FHAD1: variants seen among roughly 807,000 people sequenced by gnomAD.
The protein encoded by FHAD1 is forkhead associated phosphopeptide binding domain 1.
FHAD1 carries 146 observed loss-of-function variants against 191.3 expected under a neutral mutation model. That is an observed-to-expected ratio of 0.76 (90% CI 0.67 to 0.88). FHAD1 has a LOEUF of 0.88. Ranked by LOEUF, FHAD1 falls within the 40% of genes least tolerant of loss-of-function variation. FHAD1 has a pLI of 0.00. For missense variants in FHAD1, 1,635 were observed against 1,785.8 expected (o/e 0.92, Z 1.52); for synonymous variants, 616 against 672.3 (o/e 0.92, Z 1.29).
chr1:15,334,450 C>G (rs1256966170), intron 14 of FHAD1: 2 of 152,230 alleles, frequency 1.3e-5, no homozygotes, highest in African/African-American at 4.8e-5. Flanking sequence ...CAGAAAGCCC[C>G]ATTTGTATCA....
At chr1:15,397,234 G>C in intron 33 of FHAD1, 63 bp from the exon 34 acceptor site, 1 of 720,994 alleles carries the variant, frequency 1.4e-6, no homozygotes. Flanking sequence ...AAAACCACTT[G>C]AGTGGAACAA....
At chr1:15,265,058 G>A (rs901240705) in intron 2 of FHAD1, among the ~76,000 whole-genome samples, 2 of 152,140 alleles carry the variant, frequency 1.3e-5, no homozygotes, top group African/African-American at 4.8e-5. Context: ...TTAATAAGCT[G>A]TTGAATTACG....
chr1:15,377,089 C>T (rs1699842741), intron 28 of FHAD1, among the ~76,000 whole-genome samples: 1 of 152,166 alleles, frequency 6.6e-6, no homozygotes, highest in Non-Finnish European at 1.5e-5. Flanking sequence ...GATGTTTGGG[C>T]ATTTGATGGA....
At chr1:15,238,425 T>C (rs1441545593) in intron 1 of FHAD1, among the ~76,000 whole-genome samples, 1 of 152,044 alleles carries the variant, frequency 6.6e-6, no homozygotes, top group Non-Finnish European at 1.5e-5. Context: ...AAGGTAGGAA[T>C]CATGTTGGCT....
intron 33 of FHAD1, among the ~76,000 whole-genome samples, chr1:15,394,906 T>C (rs1705408848): frequency 6.6e-6 from 1 of 152,098 alleles, no homozygotes; most frequent in African/African-American, 2.4e-5. Context: ...TTATCCACAG[T>C]GTGTCCAGAA....
chr1:15,359,915 A>G (rs188225140), intron 21 of FHAD1, among the ~76,000 whole-genome samples: 8 of 151,848 alleles, frequency 5.3e-5, no homozygotes, highest in South Asian at 4.2e-4. Context: ...GCGCCACTGC[A>G]CTCCAGCCTG....
upstream of FHAD1, among the ~76,000 whole-genome samples, chr1:15,244,221 T>G (rs1645728842): frequency 6.6e-6 from 1 of 152,138 alleles, no homozygotes; most frequent in African/African-American, 2.4e-5. This position sits in a 1 kb window ranked among gnomAD's most constrained non-coding sequence, Gnocchi z 5.1. Context: ...TTCAAGAACT[T>G]TGCACACCCT....
rs1393387255 is a variant in FHAD1, at chr1:15,397,925, G to A, written c.*512G>A. The A allele has an allele frequency of 6.6e-6, 1 of 152,204 alleles. No homozygotes were observed. The highest frequency in any genetic ancestry group is 1.5e-5 in the Non-Finnish European group (1 of 68,086). The allele number at this position is 152,204 out of a possible 1,614,324, so 9.4% of individuals were successfully genotyped here. ...AGGCAGGCGGATTATAAGATCAGGA[G>A]TTTGAGACCAGCCTGGCAAACATAG... On this transcript the variant is annotated 3_prime_UTR_variant, in exon 34 of 34. Coordinates refer to ENST00000688493, the MANE Select transcript of FHAD1 (RefSeq NM_001391957.1).
rs193107235 is a variant in FHAD1 at position 15,397,423 on chromosome 1, G to A, written c.*10G>A. 6.8e-5 allele frequency: 95 copies of A among 1,403,718 alleles called. 1 individual carries two copies. In the African/African-American group the frequency reaches 8.3e-4, roughly 12 times the overall value. The allele number at this position is 1,403,718 out of a possible 1,614,324, so 87.0% of individuals were successfully genotyped here. A position where few individuals can be genotyped will look rare whatever the true frequency, so the allele number is the denominator to read the frequency against. Reference sequence around the variant, plus strand: ...CAGTGGAAAGTACTAGAGAAACCTCGTCCCACCAGGCCTCATGTGATCCTC... The same window carrying A: ...CAGTGGAAAGTACTAGAGAAACCTCATCCCACCAGGCCTCATGTGATCCTC... On this transcript the variant is annotated 3_prime_UTR_variant, in exon 34 of 34. Coordinates refer to ENST00000688493, the MANE Select transcript of FHAD1 (RefSeq NM_001391957.1).
intron 21 of FHAD1, among the ~76,000 whole-genome samples, chr1:15,359,232 A>G (rs992582147): frequency 6.6e-6 from 1 of 152,134 alleles, no homozygotes; most frequent in Non-Finnish European, 1.5e-5. Flanking sequence ...AGCTCCCGAG[A>G]TTTGGGTGCA....
chr1:15,258,406 T>TAA, intron 2 of FHAD1, among the ~76,000 whole-genome samples: 1 of 152,326 alleles, frequency 6.6e-6, no homozygotes, highest in African/African-American at 2.4e-5. Context: ...TTAAGGTTCC[T>TAA]CTGTGGCAGC....
At chr1:15,402,833 G>A (rs1707156151), downstream of FHAD1, 1 of 152,158 alleles carries the variant, frequency 6.6e-6, no homozygotes, top group Admixed American at 6.5e-5. Flanking sequence ...GTCTACTAAT[G>A]AATGAGGGCA....
At chr1:15,366,022 G>A (rs1380748388) in intron 24 of FHAD1, 89 bp downstream of exon 24, 17 of 894,970 alleles carry the variant, frequency 1.9e-5, no homozygotes, top group East Asian at 2.7e-5. Context: ...GCGCAGTGGC[G>A]CACGCCTATA....
chr1:15,329,362 C>T lies in FHAD1; in HGVS notation c.1727C>T (p.Ser576Phe), dbSNP rs1680296801. ...TCTTTGCAGGCTTGCATGAAAATAT[C>T]CTGTTGCAGCCATGACCTGAAGAAG... ...LDSCQACMKI[S>F]CCSHDLKKEV... is the part of the protein sequence containing the mutation. Residue 576 changes from serine to phenylalanine, a missense_variant, in exon 14 of 34, where the codon TCC becomes TTC. Ser to Phe is a radical substitution (Grantham distance 155, BLOSUM62 -2). Transcript: ENST00000688493. The surrounding 1 kb of genome is among the most constrained non-coding windows in gnomAD (Gnocchi z 5.0). 6.5e-7 allele frequency: 1 copy of T among 1,544,868 alleles called. No individual in the cohort carries two copies.
intron 14 of FHAD1, among the ~76,000 whole-genome samples, chr1:15,338,715 G>C (rs560864111): frequency 6.6e-6 from 1 of 152,162 alleles, no homozygotes; most frequent in South Asian, 2.1e-4. Flanking sequence ...CAACCAAGTG[G>C]TCTTACTCGC....
At chr1:15,357,489 A>G (rs1693209793) in intron 20 of FHAD1, among the ~76,000 whole-genome samples, 1 of 152,036 alleles carries the variant, frequency 6.6e-6, no homozygotes, top group African/African-American at 2.4e-5. Flanking sequence ...TGGGTGTGGT[A>G]GCGTGTGCCT....
chr1:15,297,556 G>A (rs781399783), intron 5 of FHAD1, among the ~76,000 whole-genome samples: 1 of 152,218 alleles, frequency 6.6e-6, no homozygotes, highest in Non-Finnish European at 1.5e-5. Context: ...AGTAAGGTGG[G>A]AAGTCAGGTT....
Position 15,251,845 on chromosome 1 carries a change from G to T in FHAD1, c.61G>T (p.Gly21Ter), listed in dbSNP as rs1399829899. The T allele has an allele frequency of 6.4e-7, 1 of 1,552,180 alleles. No homozygotes were observed. Among genetic ancestry groups the T allele is most frequent in the African/African-American group, 1.4e-5 (1 of 73,018 alleles). Residue 21 changes from glycine (G) to a stop codon, truncating the protein, a stop_gained, in exon 2 of 34, where the codon GGA (glycine) becomes TGA (stop). Transcript: ENST00000688493. LOFTEE classifies it high-confidence loss of function. ...FFVLNKSTTI[G>*]RHENSDLVLQ... The stretch of plus-strand genomic sequence containing the variant: ...TGTCCTAAATAAAAGTACCACAATT[G>T]GAAGGCATGAAAATTCAGACCTTGT...
intron 14 of FHAD1, among the ~76,000 whole-genome samples, chr1:15,336,228 T>C (rs1387804535): frequency 1.3e-5 from 2 of 152,204 alleles, no homozygotes; most frequent in African/African-American, 4.8e-5. Flanking sequence ...ATGAACATAC[T>C]TCCTTACCAG....
Sources: allele counts gnomAD v4.1 joint callset (sites outside exome capture counted in the v4.1 genomes callset), GRCh38; gene constraint gnomAD v4.1.1; non-coding constraint Gnocchi (gnomAD v3.1); transcripts MANE v1.5; gene names NCBI Gene and HGNC (gene_info 2026-07-23, HGNC 2026-07-21).